Variants in BICD1 observed in about 807,000 individuals in gnomAD.
BICD1 encodes BICD cargo adaptor 1.
Under a neutral mutation model 92.5 loss-of-function variants are expected in BICD1, and 35 were observed. The ratio of observed to expected loss-of-function variants is 0.38; its 90% confidence interval spans 0.29 to 0.50. The LOEUF is 0.50. Among genes scored for constraint, BICD1 ranks in the 20% least tolerant of loss-of-function variants. The pLI, the probability that BICD1 is intolerant of heterozygous loss-of-function variation, is 0.93. For missense variants in BICD1, 950 were observed against 1,189.8 expected (o/e 0.80, Z 2.97); for synonymous variants, 429 against 465.1 (o/e 0.92, Z 1.00).
intron 1 of BICD1, among the ~76,000 whole-genome samples, chr12:32,115,139 G>A (rs1442081996): frequency 6.6e-6 from 1 of 152,122 alleles, no homozygotes; most frequent in Non-Finnish European, 1.5e-5. Flanking sequence ...TTACAGGCAT[G>A]AGCCATTGCA....
At chr12:32,143,879 T>A (rs983933354) in intron 1 of BICD1, among the ~76,000 whole-genome samples, 1 of 152,224 alleles carries the variant, frequency 6.6e-6, no homozygotes, top group Admixed American at 6.5e-5. Context: ...TTATCCCTAG[T>A]TACTAATAAG....
intron 1 of BICD1, among the ~76,000 whole-genome samples, chr12:32,115,349 A>G (rs1246599274): frequency 6.7e-6 from 1 of 149,518 alleles, no homozygotes; most frequent in African/African-American, 2.5e-5. Context: ...AATGTCTTTA[A>G]ACATATAGGC....
chr12:32,107,496 G>T lies in BICD1; in HGVS notation c.165G>T (p.Leu55=). The T allele has an allele frequency of 6.2e-7, 1 of 1,607,656 alleles. No homozygotes were observed. Residue 55 remains leucine (L), a synonymous_variant, in exon 1 of 10, where the codon CTG becomes CTT. Transcript: ENST00000652176. ...KLTLKQQYDE[L]EAEYDSLKQE... ...CCCTCAAACAGCAGTATGATGAACT[G>T]GAGGCTGAGTACGACAGCCTCAAAC...
intron 1 of BICD1, among the ~76,000 whole-genome samples, chr12:32,177,885 A>G (rs1184013697): frequency 6.7e-6 from 1 of 150,092 alleles, no homozygotes; most frequent in Non-Finnish European, 1.5e-5. Flanking sequence ...GAGCTTACCA[A>G]AGTTATTTGC....
chr12:32,145,435 A>G (rs927519801), intron 1 of BICD1, among the ~76,000 whole-genome samples: 5 of 152,240 alleles, frequency 3.3e-5, no homozygotes, highest in African/African-American at 1.2e-4. Flanking sequence ...TTGACTGTCA[A>G]TTAGTTATCA....
intron 2 of BICD1, among the ~76,000 whole-genome samples, chr12:32,236,174 C>T (rs1041336210): frequency 1.3e-5 from 2 of 151,150 alleles, no homozygotes; most frequent in East Asian, 2.0e-4. Context: ...GTGGGCAGAT[C>T]GTGAGGTCAG....
intron 1 of BICD1, among the ~76,000 whole-genome samples, chr12:32,166,324 C>T (rs1173229325): frequency 1.3e-5 from 2 of 151,372 alleles, no homozygotes; most frequent in African/African-American, 2.4e-5. Flanking sequence ...TTAGTAAAGA[C>T]GGGGTTTCAC....
intron 4 of BICD1, among the ~76,000 whole-genome samples, chr12:32,325,051 T>C (rs946515412): frequency 2.0e-5 from 3 of 152,138 alleles, no homozygotes; most frequent in Admixed American, 6.6e-5. Context: ...GGTTTCACTA[T>C]GTTGCCTCAG....
chr12:32,274,186 ACT>A (rs1947218956), intron 2 of BICD1, among the ~76,000 whole-genome samples: 1 of 152,230 alleles, frequency 6.6e-6, no homozygotes, highest in South Asian at 2.1e-4. Flanking sequence ...ACATATAGTT[ACT>A]TAAAAACACA....
At chr12:32,366,577 C>T (rs1325069771) in intron 8 of BICD1, among the ~76,000 whole-genome samples, 2 of 152,106 alleles carry the variant, frequency 1.3e-5, no homozygotes, top group African/African-American at 2.4e-5. Flanking sequence ...ACCCAGGAGG[C>T]GGAGGTTGCA....
intron 9 of BICD1, among the ~76,000 whole-genome samples, chr12:32,368,958 A>C (rs1051098706): frequency 1.3e-5 from 2 of 152,152 alleles, no homozygotes; most frequent in African/African-American, 2.4e-5. Flanking sequence ...AGCTGTATAA[A>C]AGTGTTTCTG....
At chr12:32,229,346 A>G (rs60148004) in intron 2 of BICD1, among the ~76,000 whole-genome samples, 22,030 of 152,206 alleles carry the variant, frequency 0.14, 1,905 homozygotes, top group East Asian at 0.26. Flanking sequence ...GCAGATATGT[A>G]GAGAGAAAAG....
chr12:32,364,093 CAG>C (rs1490521329), intron 8 of BICD1, among the ~76,000 whole-genome samples: 1 of 152,208 alleles, frequency 6.6e-6, no homozygotes, highest in Non-Finnish European at 1.5e-5. Flanking sequence ...CTTGATAAAA[CAG>C]AGACCACATT....
chr12:32,164,979 C>T (rs1410215308), intron 1 of BICD1, among the ~76,000 whole-genome samples: 1 of 152,158 alleles, frequency 6.6e-6, no homozygotes, highest in Non-Finnish European at 1.5e-5. Context: ...CCTGACACTG[C>T]CCTAATTAGC....
At chr12:32,356,079 T>A (rs763789738) in intron 8 of BICD1, among the ~76,000 whole-genome samples, 34 of 152,176 alleles carry the variant, frequency 2.2e-4, no homozygotes, top group African/African-American at 2.4e-5. Context: ...CTCCTCCCTT[T>A]CCTTTGTCCA....
chr12:32,108,690 T>G (rs1174621396), intron 1 of BICD1: 17 of 697,392 alleles, frequency 2.4e-5, no homozygotes, highest in Non-Finnish European at 3.7e-5. Flanking sequence ...TGCCTTCCAA[T>G]TTAGTGTGTA....
chr12:32,219,395 A>G (rs568075548), intron 2 of BICD1, among the ~76,000 whole-genome samples: 2 of 152,356 alleles, frequency 1.3e-5, no homozygotes, highest in South Asian at 4.1e-4. Flanking sequence ...TTGCTGAATT[A>G]GGTATTAGAA....
intron 2 of BICD1, among the ~76,000 whole-genome samples, chr12:32,249,053 T>C (rs1275643243): frequency 6.6e-6 from 1 of 152,208 alleles, no homozygotes; most frequent in Non-Finnish European, 1.5e-5. Flanking sequence ...GTGTAAGCAT[T>C]TGTGGGGCGG....
At chr12:32,304,527 C>G (rs1948158186) in intron 3 of BICD1, among the ~76,000 whole-genome samples, 1 of 152,172 alleles carries the variant, frequency 6.6e-6, no homozygotes, top group African/African-American at 2.4e-5. Context: ...AAAGTACTTA[C>G]TTTCTCTAAG....
Sources: gnomAD v4.1 joint callset for allele counts (sites outside exome capture counted in the v4.1 genomes callset) on GRCh38, gnomAD v4.1.1 for gene constraint, MANE v1.5 for transcripts, NCBI Gene and HGNC (gene_info 2026-07-23, HGNC 2026-07-21) for gene names.